Variants in SHB observed in about 807,000 individuals in gnomAD.
SHB encodes SH2 domain-containing adapter protein B.
Under a neutral mutation model 52.3 loss-of-function variants are expected in SHB, and 20 were observed. That is an observed-to-expected ratio of 0.38 (90% CI 0.27 to 0.56). The LOEUF is 0.56. SHB is among the 20% of genes least tolerant of loss of function. The pLI is 0.71. For synonymous variants in SHB, 397 were observed against 316.5 expected (o/e 1.25, Z -2.70); for missense variants, 825 against 723.3 (o/e 1.14, Z -1.61).
chr9:37,974,922 A>C, intron 2 of SHB, 85 bp from the exon 3 acceptor site: 40 of 1,155,834 alleles, frequency 3.5e-5, no homozygotes, highest in Middle Eastern at 2.3e-4. Flanking sequence ...CCACAAACTC[A>C]GAGCTGCCAG....
At chr9:38,040,957 G>A (rs772508322) in intron 1 of SHB, among the ~76,000 whole-genome samples, 2 of 152,010 alleles carry the variant, frequency 1.3e-5, no homozygotes, top group African/African-American at 2.4e-5. Flanking sequence ...CAGGGCTGGG[G>A]TGGAAGATAC....
chr9:38,015,341 C>T, intron 2 of SHB: 2 of 692,242 alleles, frequency 2.9e-6, no homozygotes, highest in South Asian at 3.1e-5. Flanking sequence ...TTGTATTATC[C>T]TGGCTAAAAT....
At chr9:38,014,217 T>C (rs1474792662) in intron 2 of SHB, among the ~76,000 whole-genome samples, 1 of 152,046 alleles carries the variant, frequency 6.6e-6, no homozygotes, top group Non-Finnish European at 1.5e-5. Context: ...ATGACCTCAA[T>C]GATCCCTCCC....
At chr9:38,011,579 T>C (rs1260432201) in intron 2 of SHB, among the ~76,000 whole-genome samples, 1 of 152,140 alleles carries the variant, frequency 6.6e-6, no homozygotes, top group Non-Finnish European at 1.5e-5. Flanking sequence ...AAACATGGCA[T>C]CCTGGGAGCT....
chr9:38,037,476 C>A (rs1821503205), intron 1 of SHB, among the ~76,000 whole-genome samples: 1 of 152,156 alleles, frequency 6.6e-6, no homozygotes, highest in Non-Finnish European at 1.5e-5. Context: ...TATCTAACCT[C>A]CAATGCTCGG....
At chr9:38,061,580 C>A (rs1821892849) in intron 1 of SHB, among the ~76,000 whole-genome samples, 1 of 152,192 alleles carries the variant, frequency 6.6e-6, no homozygotes, top group Non-Finnish European at 1.5e-5. Context: ...TCAGAAGAAA[C>A]CACAGCTGTT....
rs35440284 is a variant in SHB, at chr9:38,021,672, GA to G, written c.718-5542del. On this transcript the variant is annotated intron_variant, in intron 1 of 5. Transcript: ENST00000377707. ...GACACAGCGAGACTCTGTCTCAAAA[GA>G]AAAAAAAAAAAAGAATGATGAGAGA... Among the ~76,000 whole-genome samples the G allele has an allele frequency of 5.8e-3, 789 of 136,168 alleles. 3 individuals carry two copies. Among genetic ancestry groups the G allele is most frequent in the Non-Finnish European group, 7.7e-3 (479 of 62,262 alleles). 89.3% of individuals were successfully genotyped at this position (136,168 alleles called of 152,430 possible). A position where few individuals can be genotyped will look rare whatever the true frequency, so the allele number is the denominator to read the frequency against.
At chr9:38,054,614 T>C (rs1450403448) in intron 1 of SHB, among the ~76,000 whole-genome samples, 1 of 152,202 alleles carries the variant, frequency 6.6e-6, no homozygotes, top group Non-Finnish European at 1.5e-5. Flanking sequence ...GCTGGGAATC[T>C]GGCTCTGTGG....
Position 37,918,292 on chromosome 9 carries a change from A to G in SHB, c.*1529T>C, listed in dbSNP as rs906940885. Among the ~76,000 whole-genome samples, 3 of 152,004 alleles carry G rather than the reference A, an allele frequency of 2.0e-5. No individual in the cohort carries two copies. Among genetic ancestry groups the G allele is most frequent in the African/African-American group, 7.3e-5 (3 of 41,364 alleles). On this transcript the variant is annotated 3_prime_UTR_variant, in exon 6 of 6. Transcript: ENST00000377707. ...GTGGAAAAAGCAGGAGAGCTGAGAA[A>G]CTCTTAGCCTCATCGGGGCTGCCTG... is the stretch of plus-strand genomic sequence containing the variant.
chr9:38,067,577 G>A (rs1446818704), intron 1 of SHB, among the ~76,000 whole-genome samples: 1 of 152,166 alleles, frequency 6.6e-6, no homozygotes, highest in African/African-American at 2.4e-5. Flanking sequence ...CTGGGATAAG[G>A]GGTGTCAGGA....
At chr9:37,975,472 G>C (rs1345644563) in intron 2 of SHB, among the ~76,000 whole-genome samples, 1 of 152,168 alleles carries the variant, frequency 6.6e-6, no homozygotes, top group Non-Finnish European at 1.5e-5. Context: ...CTTCACTTCT[G>C]AATAAAGAAA....
chr9:37,978,700 G>A (rs1820684886), intron 2 of SHB, among the ~76,000 whole-genome samples: 1 of 152,222 alleles, frequency 6.6e-6, no homozygotes, highest in Non-Finnish European at 1.5e-5. Flanking sequence ...TATCTACACT[G>A]TGATGACAGC....
intron 1 of SHB, among the ~76,000 whole-genome samples, chr9:38,018,144 G>T (rs1821239114): frequency 6.6e-6 from 1 of 151,798 alleles, no homozygotes; most frequent in African/African-American, 2.4e-5. Flanking sequence ...AAATCATTTG[G>T]GGGGATTTGC....
chr9:37,948,855 CAAGCAGGCATGCACTGGTTCATT>C, intron 4 of SHB, 101 bp from the exon 5 acceptor site: 1 of 1,487,016 alleles, frequency 6.7e-7, no homozygotes, highest in African/African-American at 1.4e-5. Context: ...CCTCCCTGTA[CAAGCAGGCATGCACTGGTTCATT>C]CCATGGGTAC....
intron 1 of SHB, among the ~76,000 whole-genome samples, chr9:38,046,264 C>T (rs1032850679): frequency 2.6e-5 from 4 of 152,202 alleles, no homozygotes; most frequent in African/African-American, 4.8e-5. Flanking sequence ...CATTGCTGAA[C>T]GTGGCCAGGC....
At position 37,985,571 on chromosome 9, in the gene SHB, GC is replaced by G. The variant is rs1564094778; in HGVS notation, c.839-10735del. On this transcript the variant is annotated intron_variant, in intron 2 of 5. Coordinates refer to ENST00000377707, the MANE Select transcript of SHB (RefSeq NM_003028.3). ...CTGAGGCGAGCTTGCTGCTCTGGGG[GC>G]CAAAAGCAGGGGGCGAGTGGGCCTC... Among the ~76,000 whole-genome samples the G allele has an allele frequency of 2.0e-5, 3 of 152,238 alleles. No homozygotes were observed. The South Asian group carries it at 6.2e-4, about 31-fold the overall frequency.
intron 2 of SHB, among the ~76,000 whole-genome samples, chr9:37,991,326 G>T (rs1820879344): frequency 2.0e-5 from 3 of 152,168 alleles, no homozygotes; most frequent in Admixed American, 2.0e-4. Flanking sequence ...TCTCCTCAGG[G>T]CTCCACGCTT....
rs1473397570 is a variant in SHB, at chr9:37,948,661, G to C, written c.1320C>G (p.Ser440Arg). ...TCAGGGAGAGGGAGTAGTCATGCTT[G>C]CTGGTCTGGCTGTTCCGGACAAGGT... ...CSYLVRNSQT[S>R]KHDYSLSLRS... The change falls in exon 5 of 6, where the codon AGC (serine) becomes AGG (arginine). Residue 440 changes from serine (S) to arginine (R), a missense_variant. Physicochemically the swap from Ser to Arg is moderately radical, Grantham distance 110. Coordinates refer to ENST00000377707, the MANE Select transcript of SHB (RefSeq NM_003028.3). 6.2e-7 allele frequency: 1 copy of C among 1,613,772 alleles called. No homozygotes were observed. Among genetic ancestry groups the C allele is most frequent in the African/African-American group, 1.3e-5 (1 of 74,914 alleles).
At chr9:37,971,258 T>C (rs1288840347) in intron 3 of SHB, among the ~76,000 whole-genome samples, 2 of 152,168 alleles carry the variant, frequency 1.3e-5, no homozygotes, top group Non-Finnish European at 2.9e-5. Context: ...CACACAACAC[T>C]GACTCAGGTG....
Sources: allele counts gnomAD v4.1 joint callset (sites outside exome capture counted in the v4.1 genomes callset), GRCh38; gene constraint gnomAD v4.1.1; transcripts MANE v1.5; gene names NCBI Gene and HGNC (gene_info 2026-07-23, HGNC 2026-07-21).